Variants in PPP1R16B observed in about 807,000 individuals in gnomAD.
PPP1R16B encodes the protein protein phosphatase 1 regulatory inhibitor subunit 16B.
In PPP1R16B, 14 loss-of-function variants were observed where a neutral mutation model predicts 61.7. That is an observed-to-expected ratio of 0.23 (90% CI 0.15 to 0.35). The LOEUF (loss-of-function observed/expected upper bound fraction) is 0.35. PPP1R16B is among the 10% of genes least tolerant of loss of function. The pLI is 1.00. For synonymous variants in PPP1R16B, 266 were observed against 305.3 expected (o/e 0.87, Z 1.34); for missense variants, 547 against 752.5 (o/e 0.73, Z 3.19).
At chr20:38,846,694 A>C in intron 2 of PPP1R16B, among the ~76,000 whole-genome samples, 1 of 152,182 alleles carries the variant, frequency 6.6e-6, no homozygotes, top group East Asian at 1.9e-4. Flanking sequence ...TGCCGTGGTG[A>C]ATATCAATGT....
chr20:38,907,943 C>T lies in PPP1R16B; in HGVS notation c.1028+8C>T, dbSNP rs756673562. 7.1e-5 allele frequency: 114 copies of T among 1,613,946 alleles called. No homozygotes were observed. The East Asian group carries it at 9.1e-4, about 13-fold the overall frequency. ...CAGCGCAGGCAGCCGTGGGTGAGTC[C>T]GGGGCAGGGCAGCCAGGAGTCCCTG... On this transcript the variant is annotated splice_region_variant and intron_variant, in intron 9 of 10. Transcript: ENST00000299824. This position sits in a 1 kb window ranked among gnomAD's most constrained non-coding sequence, Gnocchi z 4.5.
At chr20:38,866,421 T>C (rs2085091014) in intron 2 of PPP1R16B, among the ~76,000 whole-genome samples, 1 of 152,174 alleles carries the variant, frequency 6.6e-6, no homozygotes, top group African/African-American at 2.4e-5. Context: ...TCCTTTGCAA[T>C]GTGGATGACA....
chr20:38,810,398 C>A (rs1023897887), intron 1 of PPP1R16B, among the ~76,000 whole-genome samples: 6 of 152,206 alleles, frequency 3.9e-5, no homozygotes, highest in Non-Finnish European at 8.8e-5. Context: ...GAGGGTGGTT[C>A]TCTAGTGAGG....
intron 2 of PPP1R16B, among the ~76,000 whole-genome samples, chr20:38,842,075 C>G (rs2084912144): frequency 6.6e-6 from 1 of 152,202 alleles, no homozygotes; most frequent in Non-Finnish European, 1.5e-5. Context: ...AAATTTGAAG[C>G]TCAGAGAGAC....
chr20:38,846,695 A>G (rs904952605), intron 2 of PPP1R16B, among the ~76,000 whole-genome samples: 2 of 152,214 alleles, frequency 1.3e-5, no homozygotes, highest in Admixed American at 6.5e-5. Flanking sequence ...GCCGTGGTGA[A>G]TATCAATGTA....
chr20:38,856,966 G>C (rs1190633397), intron 2 of PPP1R16B, among the ~76,000 whole-genome samples: 1 of 152,218 alleles, frequency 6.6e-6, no homozygotes, highest in Admixed American at 6.5e-5. Flanking sequence ...AGCTCAGGTA[G>C]GGTGTCCTGG....
chr20:38,918,596 C>G lies in PPP1R16B; in HGVS notation c.1634C>G (p.Pro545Arg). ...VYYTVTSGDP[P>R]LLKFKAPIEE... is the part of the protein sequence containing the mutation. ...TACACGGTCACCAGCGGAGATCCCC[C>G]ACTCTTAAAGTTCAAGGCCCCCATA... Residue 545 changes from proline (P) to arginine (R), a missense_variant, in exon 11 of 11, where the codon CCA (proline) becomes CGA (arginine). Transcript: ENST00000299824. This position sits in a 1 kb window ranked among gnomAD's most constrained non-coding sequence, Gnocchi z 5.3. 6.5e-7 allele frequency: 1 copy of G among 1,530,650 alleles called. No individual in the cohort carries two copies. The highest frequency in any genetic ancestry group is 8.8e-7 in the Non-Finnish European group (1 of 1,139,790). The allele number at this position is 1,530,650 out of a possible 1,614,324, so 94.8% of individuals were successfully genotyped here.
At chr20:38,906,119 G>C in intron 7 of PPP1R16B, 25 bp downstream of exon 7, 1 of 1,607,346 alleles carries the variant, frequency 6.2e-7, no homozygotes, top group Admixed American at 1.7e-5. Flanking sequence ...CAGGGCTGTG[G>C]GGGAGGCCGG....
At chr20:38,916,574 T>G (rs1182145164) in intron 10 of PPP1R16B, among the ~76,000 whole-genome samples, 1 of 151,918 alleles carries the variant, frequency 6.6e-6, no homozygotes, top group African/African-American at 2.4e-5. Flanking sequence ...ATGATGACTT[T>G]CAGGCTTTGC....
chr20:38,830,291 C>T (rs1047635756), intron 1 of PPP1R16B, among the ~76,000 whole-genome samples: 1 of 152,194 alleles, frequency 6.6e-6, no homozygotes, highest in African/African-American at 2.4e-5. Context: ...GTAGATGCCA[C>T]CTAAATATTT....
rs372374474 is a variant in PPP1R16B, at chr20:38,806,792, T to C, written c.-102+1000T>C. ...CCAGCCCTTGGAGGATAATTGAGCC[T>C]GGGAGAGCTTTGAATCTGGCCCTCC... On this transcript the variant is annotated intron_variant, in intron 1 of 10. Coordinates refer to ENST00000299824, the MANE Select transcript of PPP1R16B (RefSeq NM_015568.4). This position sits in a 1 kb window ranked among gnomAD's most constrained non-coding sequence, Gnocchi z 4.5. 3.8e-4 allele frequency among the ~76,000 whole-genome samples: 58 copies of C among 152,192 alleles called. No homozygotes were observed. In the East Asian group the frequency reaches 0.011, roughly 28 times the overall value.
chr20:38,867,088 T>C (rs537312508), intron 2 of PPP1R16B, among the ~76,000 whole-genome samples: 1 of 152,336 alleles, frequency 6.6e-6, no homozygotes, highest in East Asian at 1.9e-4. Flanking sequence ...CAGTACATTA[T>C]TCCTTTTACA....
At chr20:38,869,157 T>TA (rs888335375) in intron 2 of PPP1R16B, among the ~76,000 whole-genome samples, 3 of 151,744 alleles carry the variant, frequency 2.0e-5, no homozygotes, top group Admixed American at 1.3e-4. Context: ...GCCATTTTAT[T>TA]TTTTTTTATT....
At chr20:38,908,264 T>C in intron 10 of PPP1R16B, 71 bp downstream of exon 10, 1 of 1,572,716 alleles carries the variant, frequency 6.4e-7, no homozygotes, top group South Asian at 1.2e-5. Flanking sequence ...AGCCTGGCCT[T>C]GCCTCTTCAA....
At chr20:38,902,304 T>A in intron 5 of PPP1R16B, among the ~76,000 whole-genome samples, 1 of 152,166 alleles carries the variant, frequency 6.6e-6, no homozygotes. Context: ...GATAGGGTGG[T>A]CAGCAGAGGC....
chr20:38,866,530 C>A (rs183460193), intron 2 of PPP1R16B, among the ~76,000 whole-genome samples: 3 of 152,300 alleles, frequency 2.0e-5, no homozygotes, highest in Non-Finnish European at 2.9e-5. Flanking sequence ...CAGAAACGAA[C>A]CCAAAGAAGG....
rs182152596 is a variant in PPP1R16B at position 38,885,330 on chromosome 20, A to G, written c.251-4265A>G. On this transcript the variant is annotated intron_variant, in intron 2 of 10. Transcript: ENST00000299824. ...AAAGAGCTAATCCCTCAGCAGGGCA[A>G]CACCATTTCTTCTGTCCCATTTGTG... is the stretch of plus-strand genomic sequence containing the variant. Among the ~76,000 whole-genome samples the G allele has an allele frequency of 1.7e-3, 265 of 152,350 alleles. 2 individuals are homozygous for G. The highest frequency in any genetic ancestry group is 1.2e-3 in the Non-Finnish European group (79 of 68,030).
Position 38,813,761 on chromosome 20 carries a change from C to CATT in PPP1R16B, c.-102+7971_-102+7972insTAT, listed in dbSNP as rs1342242001. On this transcript the variant is annotated intron_variant, in intron 1 of 10. Coordinates refer to ENST00000299824, the MANE Select transcript of PPP1R16B (RefSeq NM_015568.4). Reference sequence around the variant, plus strand: ...CAACTCTAAGGGGTGACATCATCATCATCATCATTATTATTATTATTATTA... The same window carrying CATT: ...CAACTCTAAGGGGTGACATCATCATCATTATCATCATTATTATTATTATTATTA... Among the ~76,000 whole-genome samples the CATT allele has an allele frequency of 1.4e-4, 18 of 131,866 alleles. No individual in the cohort carries two copies. In the East Asian group the frequency reaches 2.0e-3, roughly 15 times the overall value. The allele number at this position is 131,866 out of a possible 152,430, so 86.5% of individuals were successfully genotyped here. A position where few individuals can be genotyped will look rare whatever the true frequency, so the allele number is the denominator to read the frequency against.
chr20:38,810,169 G>C (rs2084691170), intron 1 of PPP1R16B, among the ~76,000 whole-genome samples: 1 of 152,220 alleles, frequency 6.6e-6, no homozygotes, highest in Non-Finnish European at 1.5e-5. Flanking sequence ...AGGTGGTAGG[G>C]CAGCCCTAGC....
Sources: allele counts gnomAD v4.1 joint callset (sites outside exome capture counted in the v4.1 genomes callset), GRCh38; gene constraint gnomAD v4.1.1; non-coding constraint Gnocchi (gnomAD v3.1); transcripts MANE v1.5; gene names NCBI Gene and HGNC (gene_info 2026-07-23, HGNC 2026-07-21).